The following NAALADL2 variants were observed in gnomAD, a reference collection of about 807,000 sequenced individuals.
NAALADL2 encodes the protein N-acetylated alpha-linked acidic dipeptidase like 2, also known as inactive N-acetylated-alpha-linked acidic dipeptidase-like protein 2.
Under a neutral mutation model 87.2 loss-of-function variants are expected in NAALADL2, and 76 were observed. That is an observed-to-expected ratio of 0.87 (90% CI 0.72 to 1.05). NAALADL2 has a LOEUF of 1.05. Among genes scored for constraint, NAALADL2 ranks in the 50% least tolerant of loss-of-function variants. The probability of loss-of-function intolerance (pLI) is 0.00; values close to 1 mark genes in which losing one functional copy is unlikely to be tolerated. For synonymous variants in NAALADL2, 354 were observed against 331.0 expected (o/e 1.07, Z -0.75); for missense variants, 1,089 against 945.8 (o/e 1.15, Z -1.99).
At chr3:175,617,420 C>T (rs1221629541) in intron 10 of NAALADL2, among the ~76,000 whole-genome samples, 1 of 152,154 alleles carries the variant, frequency 6.6e-6, no homozygotes, top group Non-Finnish European at 1.5e-5. Flanking sequence ...GTCCACCCTC[C>T]AGTTGTCCCC....
intron 11 of NAALADL2, among the ~76,000 whole-genome samples, chr3:175,688,648 G>C (rs766212464): frequency 6.6e-6 from 1 of 152,130 alleles, no homozygotes; most frequent in Non-Finnish European, 1.5e-5. Context: ...CAAACAAAAG[G>C]CTCAGGCAGT....
chr3:175,223,111 T>TGTGTGTGTGTGC, intron 2 of NAALADL2, among the ~76,000 whole-genome samples: 1 of 151,804 alleles, frequency 6.6e-6, no homozygotes, highest in African/African-American at 2.4e-5. Context: ...TGTGTGTGTG[T>TGTGTGTGTGTGC]GTGTGTGTGT....
chr3:175,584,583 G>A (rs1720273383), intron 10 of NAALADL2, among the ~76,000 whole-genome samples: 2 of 152,284 alleles, frequency 1.3e-5, no homozygotes, highest in African/African-American at 4.8e-5. Flanking sequence ...ATTTTGTTGT[G>A]TAAACATCAT....
chr3:174,685,952 A>G (rs529382453), intron 2 of NAALADL2, among the ~76,000 whole-genome samples: 10 of 152,142 alleles, frequency 6.6e-5, no homozygotes, highest in Admixed American at 3.3e-4. Flanking sequence ...TTTGCTAAAG[A>G]TAATGGCCTC....
intron 1 of NAALADL2, among the ~76,000 whole-genome samples, chr3:174,966,278 A>G (rs1363214914): frequency 6.6e-6 from 1 of 152,156 alleles, no homozygotes; most frequent in Non-Finnish European, 1.5e-5. Context: ...CTGTCATAAT[A>G]TGGCCATAGG....
At chr3:175,747,839 A>G (rs1169798317) in intron 12 of NAALADL2, among the ~76,000 whole-genome samples, 2 of 152,192 alleles carry the variant, frequency 1.3e-5, no homozygotes, top group African/African-American at 4.8e-5. Context: ...AACGTAACCC[A>G]GTGACAACAT....
intron 1 of NAALADL2, among the ~76,000 whole-genome samples, chr3:174,914,349 C>T (rs937606708): frequency 7.9e-5 from 12 of 152,102 alleles, no homozygotes; most frequent in Admixed American, 3.3e-4. Context: ...AGGTGTGAGC[C>T]ACCATGCCCG....
chr3:175,284,314 C>CAAAAA (rs1198625688), intron 4 of NAALADL2, among the ~76,000 whole-genome samples: 1 of 151,444 alleles, frequency 6.6e-6, no homozygotes, highest in Non-Finnish European at 1.5e-5. Context: ...TTGATACTGA[C>CAAAAA]AAAAGATGCT....
intron 2 of NAALADL2, among the ~76,000 whole-genome samples, chr3:174,679,854 AGAT>A (rs1727364431): frequency 1.3e-5 from 2 of 152,220 alleles, no homozygotes; most frequent in Admixed American, 1.3e-4. Flanking sequence ...TTTAGGGAGA[AGAT>A]ATAATCTCTT....
chr3:175,574,583 T>C lies in NAALADL2; in HGVS notation c.1654-1458T>C, dbSNP rs1718581139. 2.0e-5 allele frequency among the ~76,000 whole-genome samples: 3 copies of C among 152,126 alleles called. No individual in the cohort carries two copies. The South Asian group carries it at 6.2e-4, about 31-fold the overall frequency. ...CTCTTGTGTCTGGTTACAGGAACTGTTCTGGCTCAGGGTGTAAAGCAAATG... is the reference window on the plus strand; with the variant it reads ...CTCTTGTGTCTGGTTACAGGAACTGCTCTGGCTCAGGGTGTAAAGCAAATG... On this transcript the variant is annotated intron_variant, in intron 9 of 13. Coordinates refer to ENST00000454872, the MANE Select transcript of NAALADL2 (RefSeq NM_207015.3).
chr3:174,626,246 T>C (rs1721566023), intron 2 of NAALADL2, among the ~76,000 whole-genome samples: 1 of 152,062 alleles, frequency 6.6e-6, no homozygotes, highest in Admixed American at 6.5e-5. Flanking sequence ...TACTGTACAG[T>C]GTCATAAAAA....
At chr3:175,039,030 C>T (rs535778426) in intron 1 of NAALADL2, among the ~76,000 whole-genome samples, 9 of 152,006 alleles carry the variant, frequency 5.9e-5, no homozygotes, top group South Asian at 2.1e-4. Flanking sequence ...CATGCAGTTG[C>T]GGGCTAGGAG....
intron 3 of NAALADL2, among the ~76,000 whole-genome samples, chr3:175,254,773 T>TATGGTA (rs1443666147): frequency 6.6e-6 from 1 of 152,178 alleles, no homozygotes; most frequent in Non-Finnish European, 1.5e-5. Context: ...CAGTTATTTA[T>TATGGTA]ATGGTAATGG....
chr3:175,353,456 A>C (rs921053887), intron 5 of NAALADL2, among the ~76,000 whole-genome samples: 7 of 152,218 alleles, frequency 4.6e-5, no homozygotes, highest in African/African-American at 1.7e-4. Context: ...TAAAGATAAA[A>C]GGGCATAGTT....
intron 10 of NAALADL2, among the ~76,000 whole-genome samples, chr3:175,599,127 A>T (rs180906560): frequency 1.3e-5 from 2 of 152,274 alleles, no homozygotes; most frequent in South Asian, 2.1e-4. Context: ...AGTGATTCTG[A>T]AACGTGAACT....
At chr3:174,686,914 C>G (rs1451671888) in intron 2 of NAALADL2, among the ~76,000 whole-genome samples, 2 of 152,042 alleles carry the variant, frequency 1.3e-5, no homozygotes, top group Non-Finnish European at 2.9e-5. Context: ...ATGAAGACAA[C>G]AAAAGCAATT....
At chr3:175,047,011 G>A (rs1237327735) in intron 1 of NAALADL2, among the ~76,000 whole-genome samples, 1 of 152,102 alleles carries the variant, frequency 6.6e-6, no homozygotes, top group African/African-American at 2.4e-5. Flanking sequence ...GTCATAGATG[G>A]CCATCTTCTT....
chr3:175,338,874 AAGTG>A (rs1213720411), intron 5 of NAALADL2, among the ~76,000 whole-genome samples: 1 of 152,160 alleles, frequency 6.6e-6, no homozygotes, highest in African/African-American at 2.4e-5. Context: ...GAGTTCAAGA[AAGTG>A]AGTGACTCAT....
chr3:175,797,570 ACTTT>A (rs1753653341), intron 13 of NAALADL2, among the ~76,000 whole-genome samples: 1 of 151,970 alleles, frequency 6.6e-6, no homozygotes, highest in Non-Finnish European at 1.5e-5. Flanking sequence ...ATATATTCTC[ACTTT>A]CTTTCCACTG....
Sources: allele counts gnomAD v4.1 joint callset (sites outside exome capture counted in the v4.1 genomes callset), GRCh38; gene constraint gnomAD v4.1.1; transcripts MANE v1.5; gene names NCBI Gene and HGNC (gene_info 2026-07-23, HGNC 2026-07-21).